FCMR: variants seen among roughly 807,000 people sequenced by gnomAD.
The protein encoded by FCMR is Fc mu receptor.
Under a neutral mutation model 41.6 loss-of-function variants are expected in FCMR, and 34 were observed. That is an observed-to-expected ratio of 0.82 (90% CI 0.62 to 1.09). FCMR has a LOEUF of 1.09. Among genes scored for constraint, FCMR ranks in the 50% least tolerant of loss-of-function variants. The pLI, the probability that FCMR is intolerant of heterozygous loss-of-function variation, is 0.00. For missense variants in FCMR, 496 were observed against 512.5 expected (o/e 0.97, Z 0.31); for synonymous variants, 209 against 211.8 (o/e 0.99, Z 0.12).
At chr1:206,910,026 C>T in intron 5 of FCMR, 158 bp from the exon 6 acceptor site, 1 of 1,143,940 alleles carries the variant, frequency 8.7e-7, no homozygotes, top group Non-Finnish European at 1.2e-6. Context: ...TTGCCCTGCC[C>T]TGAAGACCAA....
chr1:206,918,763 G>A (rs924832066), intron 1 of FCMR, among the ~76,000 whole-genome samples: 2 of 151,176 alleles, frequency 1.3e-5, no homozygotes, highest in Middle Eastern at 3.2e-3. Context: ...AGGTAAAAAG[G>A]TTTGAAAGCT....
rs1440747522 is a variant in FCMR at position 206,909,207 on chromosome 1, G to A, written c.1044+255C>T. On this transcript the variant is annotated intron_variant, in intron 7 of 7. Coordinates refer to ENST00000367091, the MANE Select transcript of FCMR (RefSeq NM_005449.5). This position sits in a 1 kb window ranked among gnomAD's most constrained non-coding sequence, Gnocchi z 5.0. ...CTAAGCCAGCTGCATCCAGCACGCA[G>A]GTATCCCGTGACAACTGCTTGGCTA... Among the ~76,000 whole-genome samples, 3 of 152,152 alleles carry A rather than the reference G, an allele frequency of 2.0e-5. No homozygotes were observed. Among genetic ancestry groups the A allele is most frequent in the Non-Finnish European group, 4.4e-5 (3 of 68,026 alleles).
intron 2 of FCMR, 169 bp downstream of exon 2, chr1:206,913,590 C>T: frequency 1.6e-6 from 1 of 614,218 alleles, no homozygotes. Context: ...ATTGTGTGGA[C>T]CATGGAGGTA....
chr1:206,922,206 C>T (rs17017836), upstream of FCMR, among the ~76,000 whole-genome samples: 14,406 of 152,150 alleles, frequency 0.095, 1,411 homozygotes, highest in African/African-American at 0.23. Flanking sequence ...CAGGGCCTCC[C>T]GTGCTTTATG....
intron 1 of FCMR, among the ~76,000 whole-genome samples, chr1:206,918,930 A>G (rs1490131186): frequency 1.3e-5 from 2 of 152,070 alleles, no homozygotes; most frequent in African/African-American, 2.4e-5. Flanking sequence ...CCCAAATACT[A>G]TATATCTGAA....
Position 206,921,898 on chromosome 1 carries a change from G to T in FCMR, c.-44C>A. ...AGGTCCATCCAAGAGCCCCTAGAGA[G>T]GGGGATGGAGACACGCTGCTTACTC... On this transcript the variant is annotated 5_prime_UTR_variant, in exon 1 of 8. Coordinates refer to ENST00000367091, the MANE Select transcript of FCMR (RefSeq NM_005449.5). 2 of 1,578,858 alleles carry T rather than the reference G, an allele frequency of 1.3e-6. No individual in the cohort carries two copies. Among genetic ancestry groups the T allele is most frequent in the Non-Finnish European group, 1.7e-6 (2 of 1,148,308 alleles).
At position 206,910,279 on chromosome 1, in the gene FCMR, T is replaced by C; in HGVS notation, c.772A>G (p.Thr258Ala). 6.3e-7 allele frequency: 1 copy of C among 1,578,948 alleles called. No individual in the cohort carries two copies. Among genetic ancestry groups the C allele is most frequent in the Admixed American group, 1.8e-5 (1 of 54,656 alleles). The change falls in exon 5 of 8, where the codon ACC becomes GCC. Residue 258 changes from threonine (T) to alanine (A), a missense_variant. Thr to Ala is a moderately conservative substitution (Grantham distance 58, BLOSUM62 0). Transcript: ENST00000367091. ...GCCAGCAGGAAAAGGCCCAGGATGG[T>C]CGGGATCAGGATGTGAAATCCTTGG... Reference protein sequence around the residue: ...EGQGFHILIPTILGLFLLALL... With the variant: ...EGQGFHILIPAILGLFLLALL...
chr1:206,909,638 C>T lies in FCMR; in HGVS notation c.985+87G>A. 7.5e-7 allele frequency: 1 copy of T among 1,336,518 alleles called. No homozygotes were observed. Among genetic ancestry groups the T allele is most frequent in the Non-Finnish European group, 9.6e-7 (1 of 1,043,174 alleles). The allele number at this position is 1,336,518 out of a possible 1,614,324, so 82.8% of individuals were successfully genotyped here. A position where few individuals can be genotyped will look rare whatever the true frequency, so the allele number is the denominator to read the frequency against. ...AGCTCCACCCTGTGGGAAGCCCTGG[C>T]ACCTGGGAGCGCGCCCCGCTGCGCC... On this transcript the variant is annotated intron_variant, in intron 6 of 7. Transcript: ENST00000367091. This position sits in a 1 kb window ranked among gnomAD's most constrained non-coding sequence, Gnocchi z 5.0.
At chr1:206,919,044 G>A (rs564776108) in intron 1 of FCMR, among the ~76,000 whole-genome samples, 12 of 152,050 alleles carry the variant, frequency 7.9e-5, no homozygotes, top group Non-Finnish European at 1.6e-4. Context: ...CTACTCCGTG[G>A]CCATGCAGGG....
Position 206,909,722 on chromosome 1 carries a change from C to G in FCMR, c.985+3G>C. 2 of 1,446,034 alleles carry G rather than the reference C, an allele frequency of 1.4e-6. No homozygotes were observed. The highest frequency in any genetic ancestry group is 1.8e-6 in the Non-Finnish European group (2 of 1,111,326). The allele number at this position is 1,446,034 out of a possible 1,614,324, so 89.6% of individuals were successfully genotyped here. On this transcript the variant is annotated splice_donor_region_variant and intron_variant, in intron 6 of 7. Coordinates refer to ENST00000367091, the MANE Select transcript of FCMR (RefSeq NM_005449.5). This position sits in a 1 kb window ranked among gnomAD's most constrained non-coding sequence, Gnocchi z 5.0. ...ACTCCCCGTGGCCCGCCCGGCGGCT[C>G]ACCTGCAGCGTCCGCTCCACGAGCG...
At chr1:206,922,993 G>T (rs1467644148), upstream of FCMR, among the ~76,000 whole-genome samples, 2 of 152,212 alleles carry the variant, frequency 1.3e-5, no homozygotes, top group Non-Finnish European at 2.9e-5. Context: ...AGTGCTTTAA[G>T]AAGCCTTCAC....
intron 4 of FCMR, 102 bp downstream of exon 4, chr1:206,911,628 G>C: frequency 9.0e-7 from 1 of 1,107,688 alleles, no homozygotes; most frequent in Non-Finnish European, 1.4e-6. Context: ...CAGTGGCCTA[G>C]AGACAAAGCC....
Position 206,909,547 on chromosome 1 carries a change from G to T in FCMR, c.986-27C>A. On this transcript the variant is annotated intron_variant, in intron 6 of 7. Coordinates refer to ENST00000367091, the MANE Select transcript of FCMR (RefSeq NM_005449.5). The surrounding 1 kb of genome is among the most constrained non-coding windows in gnomAD (Gnocchi z 5.0). ...TAGGGAACAGCGAGGGCGAGGTGAG[G>T]CGGCGGCCGAGGCTCCCGCCCCACC... 7.6e-7 allele frequency: 1 copy of T among 1,322,920 alleles called. No individual in the cohort carries two copies. The highest frequency in any genetic ancestry group is 3.1e-5 in the East Asian group (1 of 31,868). 81.9% of individuals were successfully genotyped at this position (1,322,920 alleles called of 1,614,324 possible). A position where few individuals can be genotyped will look rare whatever the true frequency, so the allele number is the denominator to read the frequency against.
At chr1:206,906,980 T>C (rs1026758398) in intron 7 of FCMR, among the ~76,000 whole-genome samples, 13 of 151,074 alleles carry the variant, frequency 8.6e-5, no homozygotes, top group Non-Finnish European at 1.9e-4. Context: ...TTCCTTTCAA[T>C]GAGTACTTAC....
chr1:206,909,841 G>A lies in FCMR; in HGVS notation c.869C>T (p.Ala290Val). ...KALSRRARRL[A>V]VRMRALESSQ... Reference sequence around the variant, plus strand: ...GCTCTCCAGGGCGCGCATCCTCACGGCCAGTCGGCGGGCCCGCCTGGAGAG... The same window carrying A: ...GCTCTCCAGGGCGCGCATCCTCACGACCAGTCGGCGGGCCCGCCTGGAGAG... Residue 290 changes from alanine to valine, a missense_variant, in exon 6 of 8, where the codon GCC (alanine) becomes GTC (valine). Transcript: ENST00000367091. The surrounding 1 kb of genome is among the most constrained non-coding windows in gnomAD (Gnocchi z 5.0). The A allele has an allele frequency of 7.2e-7, 1 of 1,387,436 alleles. No individual in the cohort carries two copies. The highest frequency in any genetic ancestry group is 1.7e-5 in the South Asian group (1 of 60,336). 85.9% of individuals were successfully genotyped at this position (1,387,436 alleles called of 1,614,324 possible). A position where few individuals can be genotyped will look rare whatever the true frequency, so the allele number is the denominator to read the frequency against.
intron 1 of FCMR, among the ~76,000 whole-genome samples, chr1:206,918,303 C>T (rs1253932646): frequency 6.6e-5 from 10 of 152,160 alleles, no homozygotes; most frequent in Admixed American, 5.2e-4. Flanking sequence ...TCCTGCCTCT[C>T]CATCCTGGCT....
intron 1 of FCMR, chr1:206,917,798 T>TA: frequency 2.2e-6 from 1 of 454,274 alleles, no homozygotes; most frequent in Non-Finnish European, 4.4e-6. Flanking sequence ...GGCGAATTTT[T>TA]TTTTTTTTTT....
In FCMR at chr1:206,908,286, TC is replaced by T. The variant is rs199884546; in HGVS notation, c.1044+1175del. The T allele has an allele frequency of 1.3e-3, 1,267 of 957,372 alleles. 11 individuals are homozygous for T. The African/African-American group carries it at 0.017, about 13-fold the overall frequency. 59.3% of individuals were successfully genotyped at this position (957,372 alleles called of 1,614,324 possible). A position where few individuals can be genotyped will look rare whatever the true frequency, so the allele number is the denominator to read the frequency against. On this transcript the variant is annotated intron_variant, in intron 7 of 7. Coordinates refer to ENST00000367091, the MANE Select transcript of FCMR (RefSeq NM_005449.5). Reference sequence around the variant, plus strand: ...GGCCTGGCCTGCCCTTCCTCCATCGTCGCCCTGGAATGTGCGGGACCCAGGG... The same window carrying T: ...GGCCTGGCCTGCCCTTCCTCCATCGTGCCCTGGAATGTGCGGGACCCAGGG...
intron 1 of FCMR, chr1:206,917,879 A>C (rs991750033): frequency 2.2e-6 from 1 of 448,796 alleles, no homozygotes; most frequent in Non-Finnish European, 4.4e-6. Flanking sequence ...CAGCCTCCCA[A>C]AGTGTTGGGA....
Sources: gnomAD v4.1 joint callset for allele counts (sites outside exome capture counted in the v4.1 genomes callset) on GRCh38, gnomAD v4.1.1 for gene constraint, Gnocchi (gnomAD v3.1) non-coding constraint, MANE v1.5 for transcripts, NCBI Gene and HGNC (gene_info 2026-07-23, HGNC 2026-07-21) for gene names.